The following CYBRD1 variants were observed in gnomAD, a reference collection of about 807,000 sequenced individuals.
CYBRD1 encodes plasma membrane ascorbate-dependent reductase CYBRD1.
Under a neutral mutation model 21.9 loss-of-function variants are expected in CYBRD1, and 14 were observed. The observed-to-expected ratio is 0.64, with a 90% CI of 0.42 to 1.00. The LOEUF (loss-of-function observed/expected upper bound fraction) is 1.00. Among genes scored for constraint, CYBRD1 ranks in the 50% least tolerant of loss-of-function variants. The pLI is 0.00. For missense variants in CYBRD1, 328 were observed against 352.5 expected (o/e 0.93, Z 0.56); for synonymous variants, 146 against 136.5 (o/e 1.07, Z -0.48).
intron 1 of CYBRD1, among the ~76,000 whole-genome samples, chr2:171,536,646 G>A (rs537944182): frequency 1.3e-5 from 2 of 152,292 alleles, no homozygotes; most frequent in East Asian, 1.9e-4. Context: ...TGTTGGCCAT[G>A]CTAGTCTTGA....
Position 171,528,607 on chromosome 2 carries a change from A to T in CYBRD1, c.193+5869A>T, listed in dbSNP as rs1181680266. Among the ~76,000 whole-genome samples the T allele has an allele frequency of 2.0e-5, 3 of 152,162 alleles. No homozygotes were observed. The East Asian group carries it at 5.8e-4, about 29-fold the overall frequency. On this transcript the variant is annotated intron_variant, in intron 1 of 3. Coordinates refer to ENST00000321348, the MANE Select transcript of CYBRD1 (RefSeq NM_024843.4). ...ACTCACTTCTTTGGTGGTCAATCTT[A>T]TCCAGTCTCTTCTTCGCTTTAAGTA... is the stretch of plus-strand genomic sequence containing the variant.
intron 1 of CYBRD1, among the ~76,000 whole-genome samples, chr2:171,538,490 A>T (rs1299085938): frequency 6.6e-6 from 1 of 152,214 alleles, no homozygotes; most frequent in African/African-American, 2.4e-5. Flanking sequence ...TATAGAAATG[A>T]TTATCCAAAA....
intron 1 of CYBRD1, among the ~76,000 whole-genome samples, chr2:171,524,436 C>T (rs1038143071): frequency 1.3e-5 from 2 of 152,178 alleles, no homozygotes; most frequent in African/African-American, 2.4e-5. Flanking sequence ...AGAGCAGCTT[C>T]TAATACCAAA....
In CYBRD1 at chr2:171,522,562, A is replaced by G. The variant is rs1257801073; in HGVS notation, c.17A>G (p.Tyr6Cys). The G allele has an allele frequency of 6.8e-6, 11 of 1,606,400 alleles. No individual in the cohort carries two copies. In the South Asian group the frequency reaches 1.1e-4, roughly 16 times the overall value. Residue 6 changes from tyrosine to cysteine, a missense_variant, in exon 1 of 4, where the codon TAC (tyrosine) becomes TGC (cysteine). By Grantham distance (194) the Tyr-to-Cys change is radical. Coordinates refer to ENST00000321348, the MANE Select transcript of CYBRD1 (RefSeq NM_024843.4). The surrounding 1 kb of genome is among the most constrained non-coding windows in gnomAD (Gnocchi z 4.3). MAMEGYWRFLALLGSA... is the reference protein window; with the variant it reads MAMEGCWRFLALLGSA... ...GGGGCGCTGATGGCCATGGAGGGCTACTGGCGCTTCCTGGCGCTGCTGGGG... is the reference window on the plus strand; with the variant it reads ...GGGGCGCTGATGGCCATGGAGGGCTGCTGGCGCTTCCTGGCGCTGCTGGGG...
In CYBRD1 at chr2:171,522,759, G is replaced by C; in HGVS notation, c.193+21G>C. 1 of 1,613,028 alleles carries C rather than the reference G, an allele frequency of 6.2e-7. No individual in the cohort carries two copies. The highest frequency in any genetic ancestry group is 8.5e-7 in the Non-Finnish European group (1 of 1,179,710). On this transcript the variant is annotated intron_variant, in intron 1 of 3. Coordinates refer to ENST00000321348, the MANE Select transcript of CYBRD1 (RefSeq NM_024843.4). The surrounding 1 kb of genome is among the most constrained non-coding windows in gnomAD (Gnocchi z 4.3). ...CATCGGTACTGGCACCTCCTGGGGG[G>C]GTGCGGGGAGGAAAGCGGGGAGAAC... is the stretch of plus-strand genomic sequence containing the variant.
intron 1 of CYBRD1, among the ~76,000 whole-genome samples, chr2:171,526,952 A>G (rs1033399963): frequency 6.6e-6 from 1 of 152,220 alleles, no homozygotes; most frequent in African/African-American, 2.4e-5. Context: ...TTTAAGTAAC[A>G]TTTAAAAGAC....
chr2:171,525,878 C>T (rs1481679103), intron 1 of CYBRD1, among the ~76,000 whole-genome samples: 2 of 141,714 alleles, frequency 1.4e-5, no homozygotes, highest in Non-Finnish European at 3.0e-5. Flanking sequence ...ACTCGGGAAA[C>T]GGAGGTTGCG....
rs776489350 is a variant in CYBRD1 at position 171,553,331 on chromosome 2, C to T, written c.403-15C>T. ...TTAAAATTAAATGATAACCTTTGCA[C>T]TTTTTGGTGTTTAGCTTCTTTCAGG... is the stretch of plus-strand genomic sequence containing the variant. On this transcript the variant is annotated splice_polypyrimidine_tract_variant and intron_variant, in intron 2 of 3. Transcript: ENST00000321348. 1.9e-6 allele frequency: 3 copies of T among 1,613,094 alleles called. No homozygotes were observed. The highest frequency in any genetic ancestry group is 2.2e-5 in the South Asian group (2 of 91,046).
intron 2 of CYBRD1, among the ~76,000 whole-genome samples, chr2:171,549,736 A>G (rs982308499): frequency 2.0e-5 from 3 of 152,200 alleles, no homozygotes; most frequent in Admixed American, 2.0e-4. Context: ...TTTCATCTCT[A>G]AGTAATAACT....
At chr2:171,531,725 A>ATGTC (rs1219769921) in intron 1 of CYBRD1, among the ~76,000 whole-genome samples, 1 of 152,182 alleles carries the variant, frequency 6.6e-6, no homozygotes, top group Non-Finnish European at 1.5e-5. Flanking sequence ...TAGAGACCAA[A>ATGTC]TGTCTGGCCA....
At chr2:171,554,135 T>A (rs1211780534) in intron 3 of CYBRD1, among the ~76,000 whole-genome samples, 1 of 152,152 alleles carries the variant, frequency 6.6e-6, no homozygotes, top group Non-Finnish European at 1.5e-5. Flanking sequence ...TACTTTCAAT[T>A]TTCCATCCGC....
chr2:171,525,530 C>T (rs1003644193), intron 1 of CYBRD1, among the ~76,000 whole-genome samples: 18 of 152,246 alleles, frequency 1.2e-4, no homozygotes, highest in African/African-American at 3.9e-4. Context: ...GAGGGACCCA[C>T]ATGTTACAGA....
At chr2:171,533,999 C>G (rs1481779811) in intron 1 of CYBRD1, among the ~76,000 whole-genome samples, 5 of 152,190 alleles carry the variant, frequency 3.3e-5, no homozygotes, top group Non-Finnish European at 7.3e-5. Context: ...AGCCACCACA[C>G]CCAGCCGACA....
intron 1 of CYBRD1, among the ~76,000 whole-genome samples, chr2:171,533,878 T>C (rs1697508776): frequency 6.6e-6 from 1 of 151,694 alleles, no homozygotes; most frequent in Non-Finnish European, 1.5e-5. Context: ...CTAATTTTTC[T>C]ATTTTTTTAT....
At position 171,554,796 on chromosome 2, in the gene CYBRD1, T is replaced by A; in HGVS notation, c.830T>A (p.Leu277Gln). Residue 277 changes from leucine to glutamine, a missense_variant, in exon 4 of 4, where the codon CTG becomes CAG. Transcript: ENST00000321348. ...EVAARKRNLA[L>Q]DEAGQRSTM Reference sequence around the variant, plus strand: ...GCAGCAAGGAAAAGAAACTTAGCTCTGGATGAGGCTGGGCAGAGATCTACC... The same window carrying A: ...GCAGCAAGGAAAAGAAACTTAGCTCAGGATGAGGCTGGGCAGAGATCTACC... 1 of 1,613,456 alleles carries A rather than the reference T, an allele frequency of 6.2e-7. No individual in the cohort carries two copies. Among genetic ancestry groups the A allele is most frequent in the Non-Finnish European group, 8.5e-7 (1 of 1,179,858 alleles).
At chr2:171,537,634 G>C (rs1390189694) in intron 1 of CYBRD1, among the ~76,000 whole-genome samples, 1 of 152,168 alleles carries the variant, frequency 6.6e-6, no homozygotes, top group African/African-American at 2.4e-5. Flanking sequence ...TCAATTTCCT[G>C]GTTGTGCTAT....
intron 1 of CYBRD1, among the ~76,000 whole-genome samples, chr2:171,528,806 G>T (rs1697421843): frequency 6.6e-6 from 1 of 152,094 alleles, no homozygotes; most frequent in South Asian, 2.1e-4. Context: ...CCTCCCATAG[G>T]TTCCACCATC....
chr2:171,544,494 T>G (rs1697681383), intron 2 of CYBRD1, among the ~76,000 whole-genome samples: 1 of 152,214 alleles, frequency 6.6e-6, no homozygotes, highest in African/African-American at 2.4e-5. Flanking sequence ...AAATTTTGTC[T>G]TTTACTTTTC....
chr2:171,535,393 C>T (rs1192293623), intron 1 of CYBRD1, among the ~76,000 whole-genome samples: 3 of 152,134 alleles, frequency 2.0e-5, no homozygotes, highest in Non-Finnish European at 4.4e-5. Flanking sequence ...GGAAAGCTAG[C>T]GTGCAGCCAA....
Sources: allele counts gnomAD v4.1 joint callset (sites outside exome capture counted in the v4.1 genomes callset), GRCh38; gene constraint gnomAD v4.1.1; non-coding constraint Gnocchi (gnomAD v3.1); transcripts MANE v1.5; gene names NCBI Gene and HGNC (gene_info 2026-07-23, HGNC 2026-07-21).